Variants in LARS2 observed in about 807,000 individuals in gnomAD.
The protein encoded by LARS2 is leucyl-tRNA synthetase 2, mitochondrial, also known as leucine--tRNA ligase, mitochondrial.
LARS2 carries 81 observed loss-of-function variants against 116.6 expected under a neutral mutation model. That is an observed-to-expected ratio of 0.69 (90% CI 0.58 to 0.84). LARS2 has a LOEUF of 0.84. LARS2 is among the 40% of genes least tolerant of loss of function. LARS2 has a pLI of 0.00. For synonymous variants in LARS2, 396 were observed against 407.2 expected (o/e 0.97, Z 0.33); for missense variants, 968 against 1,114.5 (o/e 0.87, Z 1.87).
In LARS2 at chr3:45,474,344, A is replaced by G. The variant is rs763279145; in HGVS notation, c.852A>G (p.Thr284=). 6.3e-7 allele frequency: 1 copy of G among 1,582,878 alleles called. No homozygotes were observed. Among genetic ancestry groups the G allele is most frequent in the Non-Finnish European group, 8.7e-7 (1 of 1,153,936 alleles). ...GDCVGCHLDF[T]LKVHGQATGE... ...GTGTGGGCTGCCACCTGGACTTCAC[A>G]TTAAAGGTGATTAAGTAATAGCAGC... Residue 284 remains threonine, a synonymous_variant, in exon 9 of 22, where the codon ACA becomes ACG. Coordinates refer to ENST00000645846, the MANE Select transcript of LARS2 (RefSeq NM_015340.4).
At chr3:45,422,905 G>A (rs1698538037) in intron 6 of LARS2, among the ~76,000 whole-genome samples, 2 of 152,176 alleles carry the variant, frequency 1.3e-5, no homozygotes, top group Admixed American at 6.5e-5. Flanking sequence ...GCAATTTGGA[G>A]TCTTTGTGTT....
chr3:45,468,709 GAT>G (rs1699474921), intron 8 of LARS2, among the ~76,000 whole-genome samples: 1 of 152,218 alleles, frequency 6.6e-6, no homozygotes, highest in African/African-American at 2.4e-5. Context: ...GGAAAGAAAA[GAT>G]GGATAAGTGT....
At chr3:45,435,498 A>G (rs1447088874) in intron 6 of LARS2, among the ~76,000 whole-genome samples, 1 of 152,190 alleles carries the variant, frequency 6.6e-6, no homozygotes, top group Non-Finnish European at 1.5e-5. Flanking sequence ...TTATTGTCTA[A>G]AAGTTTTCTA....
At chr3:45,425,902 T>TTTTC (rs745475233) in intron 6 of LARS2, among the ~76,000 whole-genome samples, 2 of 144,206 alleles carry the variant, frequency 1.4e-5, no homozygotes, top group South Asian at 2.2e-4. Flanking sequence ...AGCCTTTTTT[T>TTTTC]TTTTCTTTTC....
intron 4 of LARS2, among the ~76,000 whole-genome samples, chr3:45,415,508 C>T (rs1462433977): frequency 2.0e-5 from 3 of 152,088 alleles, no homozygotes; most frequent in South Asian, 4.2e-4. Context: ...TGGAACCTTT[C>T]TTATACCAAA....
intron 21 of LARS2, among the ~76,000 whole-genome samples, chr3:45,546,817 G>A (rs1245012659): frequency 6.6e-6 from 1 of 152,188 alleles, no homozygotes; most frequent in Admixed American, 6.5e-5. Context: ...CAATTTCTAA[G>A]TCCTCACACT....
At chr3:45,461,074 C>A (rs1009491392) in intron 8 of LARS2, among the ~76,000 whole-genome samples, 1 of 152,132 alleles carries the variant, frequency 6.6e-6, no homozygotes, top group Middle Eastern at 3.4e-3. Flanking sequence ...AGAAATAGAT[C>A]CTGAGATGAC....
intron 21 of LARS2, among the ~76,000 whole-genome samples, chr3:45,542,176 A>G (rs1300534113): frequency 1.3e-5 from 2 of 152,128 alleles, no homozygotes; most frequent in Non-Finnish European, 2.9e-5. Context: ...GTGAGCATAA[A>G]ACTCTCATGG....
intron 3 of LARS2, among the ~76,000 whole-genome samples, chr3:45,395,453 G>C (rs1304626380): frequency 1.3e-5 from 2 of 152,256 alleles, no homozygotes; most frequent in Non-Finnish European, 2.9e-5. Flanking sequence ...CTGGGAATCA[G>C]TCTGGAACGT....
intron 15 of LARS2, among the ~76,000 whole-genome samples, chr3:45,502,339 TTGTC>T (rs2125741894): frequency 6.6e-6 from 1 of 152,220 alleles, no homozygotes; most frequent in Non-Finnish European, 1.5e-5. Flanking sequence ...AGTTCTTGGC[TTGTC>T]TTGTTTTTAT....
intron 21 of LARS2, among the ~76,000 whole-genome samples, chr3:45,542,275 G>C (rs62243415): frequency 6.6e-6 from 1 of 152,166 alleles, no homozygotes; most frequent in African/African-American, 2.4e-5. Flanking sequence ...CCGTGTTTCA[G>C]TCACTCTCAA....
chr3:45,458,482 G>C (rs1478824499), intron 7 of LARS2, among the ~76,000 whole-genome samples: 1 of 152,126 alleles, frequency 6.6e-6, no homozygotes, highest in Non-Finnish European at 1.5e-5. Flanking sequence ...CACGAGGTCA[G>C]GCATTTGAGA....
chr3:45,444,736 T>C (rs1698988413), intron 6 of LARS2, among the ~76,000 whole-genome samples: 1 of 149,886 alleles, frequency 6.7e-6, no homozygotes, highest in Non-Finnish European at 1.5e-5. Flanking sequence ...AGGAAGCAGA[T>C]TCATCGGCTT....
intron 13 of LARS2, among the ~76,000 whole-genome samples, chr3:45,492,356 G>A (rs1699935421): frequency 6.6e-6 from 1 of 152,182 alleles, no homozygotes; most frequent in South Asian, 2.1e-4. Flanking sequence ...TCACTGGCAT[G>A]TCTCAAGCAT....
At position 45,518,940 on chromosome 3, in the gene LARS2, A is replaced by G. The variant is rs150514570; in HGVS notation, c.2214+868A>G. Among the ~76,000 whole-genome samples, 96 of 152,222 alleles carry G rather than the reference A, an allele frequency of 6.3e-4. 1 individual carries two copies. The highest frequency in any genetic ancestry group is 2.3e-3 in the African/African-American group (94 of 41,542). The stretch of plus-strand genomic sequence containing the variant: ...GTACCCTCTCTATGTGGAGGAACAG[A>G]GCTCCCTGAATGAATGTAGGGGTCT... On this transcript the variant is annotated intron_variant, in intron 18 of 21. Transcript: ENST00000645846.
chr3:45,512,542 A>G (rs1700306240), intron 15 of LARS2, among the ~76,000 whole-genome samples: 1 of 152,256 alleles, frequency 6.6e-6, no homozygotes, highest in African/African-American at 2.4e-5. Flanking sequence ...AACACTAGGT[A>G]ACTTTTTAAA....
At chr3:45,430,003 CTTTTTTTT>C (rs66989698) in intron 6 of LARS2, among the ~76,000 whole-genome samples, 186 of 56,942 alleles carry the variant, frequency 3.3e-3, no homozygotes, top group African/African-American at 3.7e-3. Flanking sequence ...TGCCCAGCCT[CTTTTTTTT>C]TTTTTTTTTT....
intron 6 of LARS2, among the ~76,000 whole-genome samples, chr3:45,420,737 TC>T (rs765320606): frequency 6.6e-5 from 10 of 152,140 alleles, no homozygotes; most frequent in Non-Finnish European, 1.2e-4. Context: ...TGGCCAGAGC[TC>T]TTTCAGGATG....
chr3:45,430,536 TC>T (rs1480176712), intron 6 of LARS2, among the ~76,000 whole-genome samples: 2 of 146,772 alleles, frequency 1.4e-5, no homozygotes, highest in Non-Finnish European at 3.0e-5. Context: ...CGCCTCGGCC[TC>T]CCAAAGTGCT....
Sources: allele counts gnomAD v4.1 joint callset (sites outside exome capture counted in the v4.1 genomes callset), GRCh38; gene constraint gnomAD v4.1.1; transcripts MANE v1.5; gene names NCBI Gene and HGNC (gene_info 2026-07-23, HGNC 2026-07-21).